The following TMCC1 variants were observed in gnomAD, a reference collection of about 807,000 sequenced individuals.
TMCC1 encodes the protein transmembrane and coiled-coil domain family 1.
TMCC1 carries 15 observed loss-of-function variants against 52.4 expected under a neutral mutation model. The ratio of observed to expected loss-of-function variants is 0.29; its 90% CI spans 0.19 to 0.44. The LOEUF (loss-of-function observed/expected upper bound fraction) is 0.44. Ranked by LOEUF, TMCC1 falls within the 20% of genes least tolerant of loss-of-function variation. The probability of loss-of-function intolerance (pLI) is 1.00; values close to 1 mark genes in which losing one functional copy is unlikely to be tolerated. For synonymous variants in TMCC1, 279 were observed against 301.9 expected (o/e 0.92, Z 0.79); for missense variants, 503 against 806.0 (o/e 0.62, Z 4.55).
intron 4 of TMCC1, among the ~76,000 whole-genome samples, chr3:129,683,778 C>T (rs1289380464): frequency 6.6e-6 from 1 of 152,096 alleles, no homozygotes; most frequent in Non-Finnish European, 1.5e-5. Flanking sequence ...GTGTCTATTA[C>T]TGCCCTGAAT....
rs190919865 is a variant in TMCC1, at chr3:129,860,420, C to T, written c.-184+19889G>A. Among the ~76,000 whole-genome samples, 4 of 151,670 alleles carry T rather than the reference C, an allele frequency of 2.6e-5. No individual in the cohort carries two copies. The East Asian group carries it at 5.8e-4, about 22-fold the overall frequency. On this transcript the variant is annotated intron_variant, in intron 2 of 6. Coordinates refer to ENST00000393238, the MANE Select transcript of TMCC1 (RefSeq NM_001017395.5). ...TATTATGACGTGTACGGGGGAGATG[C>T]GGTGGGGGGAAACGGGTAATAGTAC...
At chr3:129,722,992 T>C (rs1208175729) in intron 4 of TMCC1, among the ~76,000 whole-genome samples, 3 of 152,204 alleles carry the variant, frequency 2.0e-5, no homozygotes, top group Non-Finnish European at 2.9e-5. Flanking sequence ...ACAATATGAA[T>C]GTACATTAAC....
chr3:129,800,194 T>C (rs1192592855), intron 4 of TMCC1, among the ~76,000 whole-genome samples: 1 of 152,236 alleles, frequency 6.6e-6, no homozygotes, highest in Non-Finnish European at 1.5e-5. Flanking sequence ...TATTACTTTA[T>C]AGTATATGCC....
intron 2 of TMCC1, chr3:129,868,980 C>T (rs1178423516): frequency 6.6e-6 from 1 of 152,064 alleles, no homozygotes; most frequent in Non-Finnish European, 1.5e-5. Flanking sequence ...GGCAGAGCTC[C>T]TAAAACCCTT....
At chr3:129,692,500 TATATCTTTGAG>T (rs2047094395) in intron 4 of TMCC1, among the ~76,000 whole-genome samples, 1 of 152,234 alleles carries the variant, frequency 6.6e-6, no homozygotes, top group Non-Finnish European at 1.5e-5. Context: ...TTAGAGTGGT[TATATCTTTGAG>T]TAATGTTAAC....
intron 4 of TMCC1, among the ~76,000 whole-genome samples, chr3:129,799,769 G>A (rs2057068529): frequency 6.6e-6 from 1 of 152,122 alleles, no homozygotes; most frequent in African/African-American, 2.4e-5. Flanking sequence ...CCGAGATCAT[G>A]CCACTGCACT....
chr3:129,672,913 A>C (rs1197001873), intron 4 of TMCC1, among the ~76,000 whole-genome samples: 1 of 152,132 alleles, frequency 6.6e-6, no homozygotes, highest in Non-Finnish European at 1.5e-5. Context: ...TTGCCATCTG[A>C]GCAGGAGCTA....
chr3:129,672,807 G>T (rs1208359987), intron 4 of TMCC1, among the ~76,000 whole-genome samples: 2 of 152,078 alleles, frequency 1.3e-5, no homozygotes, highest in African/African-American at 2.4e-5. Flanking sequence ...ATATTTTCAT[G>T]ACAATAATGC....
Position 129,667,934 on chromosome 3 carries a change from C to G in TMCC1, c.1511+2396G>C, listed in dbSNP as rs2087600932. On this transcript the variant is annotated intron_variant, in intron 5 of 6. Transcript: ENST00000393238. ...GGGTATGGTGACTCATACCTGTAAT[C>G]CCAGCACTTTGGGAGGCCAAGGAGG... Among the ~76,000 whole-genome samples, 6 of 152,248 alleles carry G rather than the reference C, an allele frequency of 3.9e-5. No homozygotes were observed. The South Asian group carries it at 1.2e-3, about 32-fold the overall frequency.
At chr3:129,841,743 G>C (rs1340105682) in intron 2 of TMCC1, among the ~76,000 whole-genome samples, 3 of 152,140 alleles carry the variant, frequency 2.0e-5, no homozygotes, top group Non-Finnish European at 4.4e-5. Context: ...CCATTTTCTG[G>C]GGGAGAAATT....
Position 129,880,313 on chromosome 3 carries a change from T to A in TMCC1, c.-188A>T, listed in dbSNP as rs1010559381. 1 of 152,150 alleles carries A rather than the reference T, an allele frequency of 6.6e-6. No individual in the cohort carries two copies. The highest frequency in any genetic ancestry group is 2.4e-5 in the African/African-American group (1 of 41,428). 9.4% of individuals were successfully genotyped at this position (152,150 alleles called of 1,614,324 possible). ...GTAGAAGAAAAAACGACATACCTCC[T>A]CAAAATCCCAGCAATAGCTTCCCTT... On this transcript the variant is annotated 5_prime_UTR_variant, in exon 2 of 7. Coordinates refer to ENST00000393238, the MANE Select transcript of TMCC1 (RefSeq NM_001017395.5).
chr3:129,884,385 TGGGAGGCTGAGAC>T (rs2061597596), intron 1 of TMCC1, among the ~76,000 whole-genome samples: 1 of 152,154 alleles, frequency 6.6e-6, no homozygotes, highest in African/African-American at 2.4e-5. Flanking sequence ...CCCAGTACTT[TGGGAGGCTGAGAC>T]GGGAGGATCA....
chr3:129,855,195 T>C (rs1023534840), intron 2 of TMCC1, among the ~76,000 whole-genome samples: 1 of 152,224 alleles, frequency 6.6e-6, no homozygotes, highest in Non-Finnish European at 1.5e-5. Context: ...GAAGAAACCA[T>C]CAAAAACTCA....
At chr3:129,746,257 AC>A (rs1423846042) in intron 4 of TMCC1, among the ~76,000 whole-genome samples, 2 of 150,494 alleles carry the variant, frequency 1.3e-5, no homozygotes, top group Non-Finnish European at 3.0e-5. Flanking sequence ...TGCAACCTCC[AC>A]CCCCCAGCTT....
At chr3:129,797,417 C>T (rs1365824309) in intron 4 of TMCC1, among the ~76,000 whole-genome samples, 2 of 150,512 alleles carry the variant, frequency 1.3e-5, no homozygotes, top group Non-Finnish European at 3.0e-5. Flanking sequence ...GCCAAGTCTC[C>T]AAAAAAAAAT....
chr3:129,789,489 C>CT (rs367698268), intron 4 of TMCC1, among the ~76,000 whole-genome samples: 11 of 151,584 alleles, frequency 7.3e-5, no homozygotes, highest in South Asian at 2.1e-4. Flanking sequence ...TTCTCCACTT[C>CT]TTTTTTTTTG....
At chr3:129,873,010 C>T (rs982843820) in intron 2 of TMCC1, among the ~76,000 whole-genome samples, 2 of 151,704 alleles carry the variant, frequency 1.3e-5, no homozygotes, top group African/African-American at 2.4e-5. Flanking sequence ...CTCCACTTCC[C>T]GGGTTCAAGC....
At chr3:129,732,057 AT>A (rs959881184) in intron 4 of TMCC1, among the ~76,000 whole-genome samples, 4 of 152,030 alleles carry the variant, frequency 2.6e-5, no homozygotes, top group Admixed American at 6.6e-5. Flanking sequence ...ACTTTTTGAA[AT>A]TTTTTTTCTA....
At chr3:129,829,341 A>C (rs2107836436) in intron 3 of TMCC1, among the ~76,000 whole-genome samples, 1 of 152,164 alleles carries the variant, frequency 6.6e-6, no homozygotes, top group South Asian at 2.1e-4. Context: ...GTAGAGAAAA[A>C]GAAAGGTCAA....
Sources: allele counts gnomAD v4.1 joint callset (sites outside exome capture counted in the v4.1 genomes callset), GRCh38; gene constraint gnomAD v4.1.1; transcripts MANE v1.5; gene names NCBI Gene and HGNC (gene_info 2026-07-23, HGNC 2026-07-21).